The following PDZD2 variants were observed in gnomAD, a reference collection of about 807,000 sequenced individuals.
PDZD2 encodes the protein PDZ domain-containing protein 2.
In PDZD2, 90 loss-of-function variants were observed where a neutral mutation model predicts 220.7. That is an observed-to-expected ratio of 0.41 (90% CI 0.34 to 0.49). The LOEUF is 0.49. Among genes scored for constraint, PDZD2 ranks in the 20% least tolerant of loss-of-function variants. The pLI is 0.28. For missense variants in PDZD2, 3,174 were observed against 3,608.5 expected (o/e 0.88, Z 3.08); for synonymous variants, 1,375 against 1,450.5 (o/e 0.95, Z 1.18).
At chr5:32,035,462 T>C (rs997327090) in intron 6 of PDZD2, among the ~76,000 whole-genome samples, 1 of 152,082 alleles carries the variant, frequency 6.6e-6, no homozygotes, top group African/African-American at 2.4e-5. Flanking sequence ...GGTTTCACCA[T>C]GTTGGCTAGG....
chr5:32,015,529 G>A (rs913002152), intron 6 of PDZD2, among the ~76,000 whole-genome samples: 13 of 152,214 alleles, frequency 8.5e-5, no homozygotes, highest in African/African-American at 2.7e-4. Flanking sequence ...TGGGATTACA[G>A]AAGTGAGCCA....
intron 20 of PDZD2, 62 bp from the exon 21 acceptor site, chr5:32,092,845 C>A: frequency 1.2e-6 from 1 of 808,180 alleles, no homozygotes; most frequent in Non-Finnish European, 2.0e-6. Context: ...TAAATGCATT[C>A]TTATAAAATG....
At chr5:31,840,509 A>G in intron 2 of PDZD2, 1 of 474,862 alleles carries the variant, frequency 2.1e-6, no homozygotes. Flanking sequence ...ATGAATTCAT[A>G]GGGAATGGGT....
At chr5:31,945,105 C>A (rs1027607195) in intron 2 of PDZD2, among the ~76,000 whole-genome samples, 1 of 152,154 alleles carries the variant, frequency 6.6e-6, no homozygotes, top group African/African-American at 2.4e-5. Context: ...GGTCCTTTGG[C>A]AGAGTATCAG....
chr5:32,080,228 G>A (rs571388448), intron 19 of PDZD2, among the ~76,000 whole-genome samples: 5 of 151,200 alleles, frequency 3.3e-5, no homozygotes, highest in African/African-American at 1.2e-4. Flanking sequence ...GGCACCTGTA[G>A]TCCCAACTAC....
intron 1 of PDZD2, among the ~76,000 whole-genome samples, chr5:31,701,894 A>C (rs1398275267): frequency 4.6e-5 from 7 of 152,218 alleles, no homozygotes; most frequent in Non-Finnish European, 7.3e-5. Context: ...TGGAGTCTAA[A>C]ATATCTGATC....
chr5:31,855,446 C>A (rs990605629), intron 2 of PDZD2, among the ~76,000 whole-genome samples: 35 of 152,294 alleles, frequency 2.3e-4, no homozygotes, highest in African/African-American at 8.4e-4. Context: ...GGCGCCCCGG[C>A]TGTGTGTGAC....
chr5:31,681,940 T>C (rs1450969897), intron 1 of PDZD2, among the ~76,000 whole-genome samples: 1 of 152,188 alleles, frequency 6.6e-6, no homozygotes, highest in Non-Finnish European at 1.5e-5. Context: ...AAATATATTG[T>C]AGTGGCATAG....
rs578051888 is a variant in PDZD2 at position 31,777,193 on chromosome 5, C to T, written c.-360-21696C>T. Among the ~76,000 whole-genome samples the T allele has an allele frequency of 2.5e-3, 376 of 152,270 alleles. 1 individual carries two copies. The highest frequency in any genetic ancestry group is 8.4e-3 in the African/African-American group (351 of 41,562). On this transcript the variant is annotated intron_variant, in intron 1 of 24. Coordinates refer to ENST00000438447, the MANE Select transcript of PDZD2 (RefSeq NM_178140.4). Reference sequence around the variant, plus strand: ...GGCACGGGCTCGGCAGGCCCGCACTCGGAGTGGCTGGCAGGTGCCACTGGC... The same window carrying T: ...GGCACGGGCTCGGCAGGCCCGCACTTGGAGTGGCTGGCAGGTGCCACTGGC...
chr5:31,819,805 C>T (rs1755716808), intron 2 of PDZD2, among the ~76,000 whole-genome samples: 1 of 152,116 alleles, frequency 6.6e-6, no homozygotes, highest in Non-Finnish European at 1.5e-5. Context: ...AAATTGCTTT[C>T]CCCAAGAGAT....
chr5:32,091,293 T>TC, intron 20 of PDZD2, 118 bp downstream of exon 20: 1 of 844,570 alleles, frequency 1.2e-6, no homozygotes, highest in East Asian at 2.9e-5. Context: ...TTTTTTTTTT[T>TC]TTTTTTTTTG....
At chr5:31,761,086 G>A (rs7706797) in intron 1 of PDZD2, among the ~76,000 whole-genome samples, 20,754 of 152,058 alleles carry the variant, frequency 0.14, 3,113 homozygotes, top group African/African-American at 0.38. Context: ...TGACGGGAGT[G>A]GTGCTGTGTA....
chr5:31,874,645 C>T (rs1739142068), intron 2 of PDZD2, among the ~76,000 whole-genome samples: 1 of 151,836 alleles, frequency 6.6e-6, no homozygotes, highest in Admixed American at 6.6e-5. Context: ...CCTATAGTCC[C>T]AGCTACTTGG....
In PDZD2 at chr5:32,077,577, C is replaced by T. The variant is rs1741419676; in HGVS notation, c.3653C>T (p.Ala1218Val). Residue 1218 changes from alanine (A) to valine (V), a missense_variant, in exon 19 of 25, where the codon GCA (alanine) becomes GTA (valine). This residue lies in a region of PDZD2 where 1,861 missense variants were observed against 2,001.0 expected (regional missense o/e 0.93). Coordinates refer to ENST00000438447, the MANE Select transcript of PDZD2 (RefSeq NM_178140.4). Reference sequence around the variant, plus strand: ...CTCACAGAGAACCTGCCCAAAGCTGCATCAGAGCTGGGGCAACAACCCATG... The same window carrying T: ...CTCACAGAGAACCTGCCCAAAGCTGTATCAGAGCTGGGGCAACAACCCATG... ...SHLTENLPKA[A>V]SELGQQPMTE... The T allele has an allele frequency of 1.9e-6, 3 of 1,614,158 alleles. No homozygotes were observed. Among genetic ancestry groups the T allele is most frequent in the Non-Finnish European group, 2.5e-6 (3 of 1,180,008 alleles).
chr5:31,755,707 G>T (rs942028828), intron 1 of PDZD2, among the ~76,000 whole-genome samples: 3 of 151,720 alleles, frequency 2.0e-5, no homozygotes, highest in African/African-American at 7.3e-5. Flanking sequence ...CATTGATAAG[G>T]GAAAACATGC....
Position 32,108,380 on chromosome 5 carries a change from T to TACC in PDZD2, c.*246_*248dup. 3.3e-6 allele frequency: 1 copy of TACC among 302,248 alleles called. No homozygotes were observed. Among genetic ancestry groups the TACC allele is most frequent in the Non-Finnish European group, 6.1e-6 (1 of 165,182 alleles). The allele number at this position is 302,248 out of a possible 1,614,324, so 18.7% of individuals were successfully genotyped here. On this transcript the variant is annotated 3_prime_UTR_variant, in exon 25 of 25. Coordinates refer to ENST00000438447, the MANE Select transcript of PDZD2 (RefSeq NM_178140.4). Reference sequence around the variant, plus strand: ...TTCCTTCGTTCCAGTGCCTGTCCCCTACCTTTATGTTATGTTTACTGATGG... The same window carrying TACC: ...TTCCTTCGTTCCAGTGCCTGTCCCCTACCACCTTTATGTTATGTTTACTGATGG...
At chr5:31,964,739 G>A (rs1021434761) in intron 2 of PDZD2, among the ~76,000 whole-genome samples, 3 of 151,954 alleles carry the variant, frequency 2.0e-5, no homozygotes, top group Non-Finnish European at 2.9e-5. Context: ...TTTTTGAGGC[G>A]GAGTCTCGCT....
intron 2 of PDZD2, among the ~76,000 whole-genome samples, chr5:31,949,170 TTTA>T (rs1746951376): frequency 6.6e-6 from 1 of 151,676 alleles, no homozygotes. Flanking sequence ...CATCCCTAGA[TTTA>T]TTATTACAGA....
At chr5:32,024,378 C>T (rs1457268672) in intron 6 of PDZD2, among the ~76,000 whole-genome samples, 1 of 152,134 alleles carries the variant, frequency 6.6e-6, no homozygotes, top group Non-Finnish European at 1.5e-5. Context: ...AAGACGTGAA[C>T]AGAAACATGT....
Sources: gnomAD v4.1 joint callset for allele counts (sites outside exome capture counted in the v4.1 genomes callset) on GRCh38, gnomAD v4.1.1 for gene constraint, gnomAD v4.1.1 regional missense constraint, MANE v1.5 for transcripts, NCBI Gene and HGNC (gene_info 2026-07-23, HGNC 2026-07-21) for gene names.